GABRG1: variants seen among roughly 807,000 people sequenced by gnomAD.
The protein encoded by GABRG1 is gamma-aminobutyric acid receptor subunit gamma-1.
Under a neutral mutation model 49.8 loss-of-function variants are expected in GABRG1, and 49 were observed. The ratio of observed to expected loss-of-function variants is 0.98; its 90% CI spans 0.78 to 1.25. The LOEUF is 1.25. GABRG1 is among the 50% of genes most tolerant of loss of function. The pLI, the probability that GABRG1 is intolerant of heterozygous loss-of-function variation, is 0.00. For missense variants in GABRG1, 552 were observed against 552.3 expected, an observed-to-expected ratio of 1.00 and a Z score of 0.01; for synonymous variants, 232 against 185.1, an observed-to-expected ratio of 1.25 and a Z score of -2.06.
At chr4:46,045,112 G>A (rs1401582757) in intron 8 of GABRG1, among the ~76,000 whole-genome samples, 1 of 151,886 alleles carries the variant, frequency 6.6e-6, no homozygotes, top group African/African-American at 2.4e-5. Context: ...ACAATACAAA[G>A]GAGAAAAGTG....
intron 8 of GABRG1, among the ~76,000 whole-genome samples, chr4:46,048,723 G>A (rs1718098894): frequency 6.6e-6 from 1 of 151,620 alleles, no homozygotes; most frequent in African/African-American, 2.4e-5. Flanking sequence ...AAAATAGAAA[G>A]CGAGCAAAAA....
chr4:46,110,632 G>A (rs558003749), intron 1 of GABRG1, among the ~76,000 whole-genome samples: 6 of 151,238 alleles, frequency 4.0e-5, no homozygotes, highest in African/African-American at 1.4e-4. Context: ...GAACCCAACA[G>A]TACATCAAAA....
intron 1 of GABRG1, among the ~76,000 whole-genome samples, chr4:46,108,433 C>A (rs558476534): frequency 6.1e-4 from 92 of 151,162 alleles, no homozygotes; most frequent in Non-Finnish European, 1.2e-3. Context: ...ATTCATCAGT[C>A]AAGTAGGAGC....
chr4:46,036,946 A>C lies in GABRG1; in HGVS notation c.*4042T>G, dbSNP rs911608455. 8.6e-5 allele frequency: 13 copies of C among 151,680 alleles called. No homozygotes were observed. Among genetic ancestry groups the C allele is most frequent in the Admixed American group, 4.0e-4 (6 of 15,174 alleles). The allele number at this position is 151,680 out of a possible 1,614,324, so 9.4% of individuals were successfully genotyped here. The stretch of plus-strand genomic sequence containing the variant: ...TCTATATGAATCTTAACTTCCAATT[A>C]ATATGGAATTTTCATTTGTGCCCAG... On this transcript the variant is annotated 3_prime_UTR_variant, in exon 9 of 9. Coordinates refer to ENST00000295452, the MANE Select transcript of GABRG1 (RefSeq NM_173536.4).
chr4:46,038,948 A>C lies in GABRG1; in HGVS notation c.*2040T>G, dbSNP rs1015492869. The stretch of plus-strand genomic sequence containing the variant: ...TACATAGAACGTGGTTCAGAAGGAA[A>C]AGCTATTTATATCAAGCACTTTTAA... On this transcript the variant is annotated 3_prime_UTR_variant, in exon 9 of 9. Transcript: ENST00000295452. 1 of 151,678 alleles carries C rather than the reference A, an allele frequency of 6.6e-6. No homozygotes were observed. Among genetic ancestry groups the C allele is most frequent in the Admixed American group, 6.6e-5 (1 of 15,186 alleles). The allele number at this position is 151,678 out of a possible 1,614,324, so 9.4% of individuals were successfully genotyped here. A position where few individuals can be genotyped will look rare whatever the true frequency, so the allele number is the denominator to read the frequency against.
At position 46,041,051 on chromosome 4, in the gene GABRG1, TA is replaced by T; in HGVS notation, c.1334del (p.Ile445AsnfsTer35). 6.2e-7 allele frequency: 1 copy of T among 1,612,888 alleles called. No homozygotes were observed. The highest frequency in any genetic ancestry group is 8.5e-7 in the Non-Finnish European group (1 of 1,179,272). On this transcript the variant is annotated frameshift_variant, in exon 9 of 9. Transcript: ENST00000295452. LOFTEE classifies it high-confidence loss of function. The part of the protein sequence containing the change: ...RIAKIDSYSR[I>X]FFPTAFALFN... ...ACAGGGCAAAAGCGGTTGGGAAAAA[TA>T]TTCTAGAATAAGAGTCAATTTTGGC...
rs1297018903 is a variant in GABRG1 at position 46,037,911 on chromosome 4, C to G, written c.*3077G>C. Reference sequence around the variant, plus strand: ...GCTGAATTGGCATGAATGCAGATTTCAATTTTATTCTTGTTCTTGAGACAA... The same window carrying G: ...GCTGAATTGGCATGAATGCAGATTTGAATTTTATTCTTGTTCTTGAGACAA... On this transcript the variant is annotated 3_prime_UTR_variant, in exon 9 of 9. Coordinates refer to ENST00000295452, the MANE Select transcript of GABRG1 (RefSeq NM_173536.4). The G allele has an allele frequency of 6.6e-6, 1 of 151,520 alleles. No homozygotes were observed. Among genetic ancestry groups the G allele is most frequent in the Non-Finnish European group, 1.5e-5 (1 of 67,678 alleles). The allele number at this position is 151,520 out of a possible 1,614,324, so 9.4% of individuals were successfully genotyped here. A position where few individuals can be genotyped will look rare whatever the true frequency, so the allele number is the denominator to read the frequency against.
intron 3 of GABRG1, among the ~76,000 whole-genome samples, chr4:46,079,035 T>C (rs1421153978): frequency 6.6e-6 from 1 of 151,798 alleles, no homozygotes; most frequent in African/African-American, 2.4e-5. Flanking sequence ...GTTTGTGACT[T>C]CTGTAGCTCC....
chr4:46,077,547 G>A (rs944446144), intron 3 of GABRG1, among the ~76,000 whole-genome samples: 20 of 151,774 alleles, frequency 1.3e-4, no homozygotes, highest in African/African-American at 4.8e-4. Context: ...CTATTTTTAT[G>A]AAGAACATCT....
intron 8 of GABRG1, 65 bp from the exon 9 acceptor site, chr4:46,041,319 C>T: frequency 1.3e-6 from 2 of 1,492,840 alleles, no homozygotes; most frequent in Non-Finnish European, 9.1e-7. Flanking sequence ...TCAATTTGCT[C>T]CTTTAACGCA....
At chr4:46,111,193 A>G (rs536893884) in intron 1 of GABRG1, among the ~76,000 whole-genome samples, 3 of 151,190 alleles carry the variant, frequency 2.0e-5, no homozygotes, top group East Asian at 3.9e-4. Flanking sequence ...TAGAATTTCT[A>G]TACGAAAATA....
intron 6 of GABRG1, 21 bp downstream of exon 6, chr4:46,058,464 C>T (rs373278401): frequency 6.2e-7 from 1 of 1,609,756 alleles, no homozygotes; most frequent in Non-Finnish European, 8.5e-7. Flanking sequence ...CATCATTTCA[C>T]TATTTGAGTA....
chr4:46,052,476 T>A (rs1490028798), intron 7 of GABRG1, among the ~76,000 whole-genome samples: 1 of 151,988 alleles, frequency 6.6e-6, no homozygotes, highest in South Asian at 2.1e-4. Context: ...AGTAAATCCT[T>A]TTATTTTTGA....
intron 2 of GABRG1, among the ~76,000 whole-genome samples, chr4:46,085,270 G>A (rs1719715825): frequency 6.6e-6 from 1 of 151,274 alleles, no homozygotes; most frequent in Non-Finnish European, 1.5e-5. Context: ...AACTGTCTTG[G>A]TTTCCTGACA....
rs181030779 is a variant in GABRG1, at chr4:46,071,737, A to T, written c.322-6153T>A. Among the ~76,000 whole-genome samples the T allele has an allele frequency of 2.2e-3, 341 of 152,062 alleles. 1 individual carries two copies. Among genetic ancestry groups the T allele is most frequent in the Non-Finnish European group, 4.1e-3 (280 of 67,976 alleles). ...AAATGTTGAAAAAGCTAAAAAAAAA[A>T]TTGAAAAAAGCAAAAGCTTACAAAA... On this transcript the variant is annotated intron_variant, in intron 3 of 8. Coordinates refer to ENST00000295452, the MANE Select transcript of GABRG1 (RefSeq NM_173536.4).
intron 1 of GABRG1, among the ~76,000 whole-genome samples, chr4:46,100,545 T>C (rs1436252290): frequency 6.6e-6 from 1 of 151,488 alleles, no homozygotes. Flanking sequence ...ATTTCCTAAT[T>C]AGACTTGTTG....
intron 7 of GABRG1, among the ~76,000 whole-genome samples, chr4:46,056,134 A>AAAT (rs1560351293): frequency 3.6e-4 from 10 of 27,432 alleles, no homozygotes; most frequent in African/African-American, 1.1e-3. Flanking sequence ...GAAAAAAAAA[A>AAAT]AAATAAATAA....
chr4:46,085,620 C>T (rs1028734716), intron 2 of GABRG1, among the ~76,000 whole-genome samples: 2 of 151,336 alleles, frequency 1.3e-5, no homozygotes, highest in Admixed American at 6.6e-5. Context: ...AGGAAGTAGA[C>T]TAAAATATTT....
At chr4:46,081,456 A>T (rs917003869) in intron 3 of GABRG1, among the ~76,000 whole-genome samples, 14 of 151,874 alleles carry the variant, frequency 9.2e-5, no homozygotes, top group African/African-American at 2.7e-4. Flanking sequence ...CAGCTGTAAA[A>T]GTTAATGAGA....
Sources: allele counts gnomAD v4.1 joint callset (sites outside exome capture counted in the v4.1 genomes callset), GRCh38; gene constraint gnomAD v4.1.1; transcripts MANE v1.5; gene names NCBI Gene and HGNC (gene_info 2026-07-23, HGNC 2026-07-21).